TG: variants seen among roughly 807,000 people sequenced by gnomAD.
The protein encoded by TG is thyroid hormones.
A neutral mutation model predicts 324.7 loss-of-function variants in TG; 270 were observed. The ratio of observed to expected loss-of-function variants is 0.83; its 90% CI spans 0.75 to 0.92. TG has a LOEUF of 0.92. TG is among the 40% of genes least tolerant of loss of function. TG has a pLI of 0.00. For missense variants in TG, 3,591 were observed against 3,456.4 expected (o/e 1.04, Z -0.98); for synonymous variants, 1,401 against 1,327.0 (o/e 1.06, Z -1.21).
At chr8:132,986,259 T>C (rs752354296) in intron 35 of TG, among the ~76,000 whole-genome samples, 74 of 152,116 alleles carry the variant, frequency 4.9e-4, no homozygotes, top group Non-Finnish European at 1.0e-3. Flanking sequence ...GTAGTCTCTA[T>C]GTATAATGTT....
chr8:132,875,987 T>C (rs1266887140), intron 5 of TG, among the ~76,000 whole-genome samples: 3 of 152,164 alleles, frequency 2.0e-5, no homozygotes, highest in Non-Finnish European at 4.4e-5. Flanking sequence ...CAAGTTACGT[T>C]TGAATTTCAG....
In TG at chr8:132,898,873, C is replaced by A; in HGVS notation, c.3293C>A (p.Pro1098Gln). Residue 1098 changes from proline (P) to glutamine (Q), a missense_variant, in exon 14 of 48, where the codon CCA (proline) becomes CAA (glutamine). Coordinates refer to ENST00000220616, the MANE Select transcript of TG (RefSeq NM_003235.5). ...SWKQARSQENPSPKDLFVPAC... is the reference protein window; with the variant it reads ...SWKQARSQENQSPKDLFVPAC... ...AAACAGGCTAGATCCCAAGAAAACC[C>A]ATCTCCAAAAGACCTGTTCGTCCCA... is the stretch of plus-strand genomic sequence containing the variant. The A allele has an allele frequency of 1.9e-6, 3 of 1,614,202 alleles. No individual in the cohort carries two copies. Among genetic ancestry groups the A allele is most frequent in the Non-Finnish European group, 2.5e-6 (3 of 1,180,046 alleles).
intron 35 of TG, among the ~76,000 whole-genome samples, chr8:132,993,742 T>C (rs562620795): frequency 6.6e-6 from 1 of 152,342 alleles, no homozygotes; most frequent in East Asian, 1.9e-4. Flanking sequence ...ATATGGATTT[T>C]CTACAGTAAC....
chr8:132,883,371 G>A (rs1001184342), intron 8 of TG: 21 of 279,742 alleles, frequency 7.5e-5, no homozygotes, highest in African/African-American at 1.5e-4. Flanking sequence ...AAGAATGCAT[G>A]GAAGAGGCCA....
At chr8:133,075,301 A>G (rs1363385442) in intron 41 of TG, among the ~76,000 whole-genome samples, 2 of 152,140 alleles carry the variant, frequency 1.3e-5, no homozygotes, top group African/African-American at 2.4e-5. Flanking sequence ...TGGGCCCACG[A>G]AGGCTGTGGC....
rs919925022 is a variant in TG at position 132,901,572 on chromosome 8, G to A, written c.3634+19G>A. 2 of 1,607,758 alleles carry A rather than the reference G, an allele frequency of 1.2e-6. No homozygotes were observed. The highest frequency in any genetic ancestry group is 1.7e-6 in the Non-Finnish European group (2 of 1,176,866). On this transcript the variant is annotated intron_variant, in intron 16 of 47. Coordinates refer to ENST00000220616, the MANE Select transcript of TG (RefSeq NM_003235.5). ...TGTGAGAGTAAGTCATGACCCCCTG[G>A]GGGGACGACGAGGCCTGCATATCTG...
chr8:132,923,225 T>C, intron 21 of TG, 113 bp from the exon 22 acceptor site: 1 of 1,191,454 alleles, frequency 8.4e-7, no homozygotes, highest in South Asian at 1.3e-5. Flanking sequence ...AGCTGGAATG[T>C]CTGAGTTAGA....
chr8:133,097,214 A>G (rs371533788), intron 43 of TG, among the ~76,000 whole-genome samples: 14 of 152,362 alleles, frequency 9.2e-5, no homozygotes, highest in African/African-American at 3.1e-4. Flanking sequence ...TTATTAAATC[A>G]TGAAAGCAAC....
chr8:133,116,387 C>T (rs1850687017), intron 44 of TG, among the ~76,000 whole-genome samples: 1 of 152,240 alleles, frequency 6.6e-6, no homozygotes, highest in Non-Finnish European at 1.5e-5. Context: ...CCACCACCTA[C>T]CAGAGGGAAC....
chr8:133,133,786 C>A, intron 47 of TG, 126 bp downstream of exon 47: 1 of 1,084,884 alleles, frequency 9.2e-7, no homozygotes, highest in Non-Finnish European at 1.4e-6. Flanking sequence ...ATGGCACAGC[C>A]CCTTCCTGTG....
Position 133,029,940 on chromosome 8 carries a change from C to CGT in TG, c.7158_7159dup (p.Gly2387ValfsTer27). ...TCGGCGCGTGTCCCTGGCAGCAGAC[C>CGT]GTGGCGGGGCTGATGTGGCCAGCAT... On this transcript the variant is annotated frameshift_variant, in exon 41 of 48. Coordinates refer to ENST00000220616, the MANE Select transcript of TG (RefSeq NM_003235.5). LOFTEE classifies it high-confidence loss of function. The CGT allele has an allele frequency of 6.2e-7, 1 of 1,614,198 alleles. No individual in the cohort carries two copies. Among genetic ancestry groups the CGT allele is most frequent in the Non-Finnish European group, 8.5e-7 (1 of 1,180,028 alleles).
rs780709015 is a variant in TG at position 133,019,638 on chromosome 8, G to A, written c.6819G>A (p.Thr2273=). 1.1e-4 allele frequency: 181 copies of A among 1,613,812 alleles called. 1 individual carries two copies. Among genetic ancestry groups the A allele is most frequent in the Middle Eastern group, 1.7e-4 (1 of 6,060 alleles). ...GGCAGCCAGGCACCAGAACATCCAC[G>A]TCTCCTGGAGTCAGTGAAGATTGTT... ...SCWQPGTRTS[T]SPGVSEDCLY... The change falls in exon 39 of 48, where the codon ACG becomes ACA. Residue 2273 remains threonine (T), a synonymous_variant. Coordinates refer to ENST00000220616, the MANE Select transcript of TG (RefSeq NM_003235.5).
intron 16 of TG, among the ~76,000 whole-genome samples, chr8:132,903,436 A>C (rs1212009080): frequency 6.6e-6 from 1 of 152,234 alleles, no homozygotes; most frequent in Non-Finnish European, 1.5e-5. Context: ...TGGTGGGAAC[A>C]GCCAGCATTG....
intron 40 of TG, among the ~76,000 whole-genome samples, chr8:133,024,672 G>C (rs961138135): frequency 2.0e-5 from 3 of 151,262 alleles, no homozygotes; most frequent in African/African-American, 7.3e-5. Context: ...TTGGTTTTCT[G>C]TTCCTGTGTT....
At position 132,923,452 on chromosome 8, in the gene TG, G is replaced by A; in HGVS notation, c.4643G>A (p.Gly1548Glu). 1 of 1,614,134 alleles carries A rather than the reference G, an allele frequency of 6.2e-7. No homozygotes were observed. Among genetic ancestry groups the A allele is most frequent in the African/African-American group, 1.3e-5 (1 of 75,018 alleles). ...AAGGCCTTCTGTGTGGACGGCGAGG[G>A]GCGGAGGCTGCCATGGTGGGAAACA... ...SGKAFCVDGE[G>E]RRLPWWETEA... Residue 1548 changes from glycine to glutamate, a missense_variant, in exon 22 of 48, where the codon GGG becomes GAG. Coordinates refer to ENST00000220616, the MANE Select transcript of TG (RefSeq NM_003235.5).
At chr8:133,118,339 T>C (rs866667866) in intron 45 of TG, among the ~76,000 whole-genome samples, 4,810 of 149,258 alleles carry the variant, frequency 0.032, 73 homozygotes, top group African/African-American at 0.11. Context: ...TTTTTTTTTT[T>C]TTTTTGACGG....
intron 31 of TG, among the ~76,000 whole-genome samples, chr8:132,968,397 C>G (rs1445908122): frequency 6.6e-6 from 1 of 152,172 alleles, no homozygotes; most frequent in Non-Finnish European, 1.5e-5. Context: ...GCATCAGAAT[C>G]CCATTTGGCT....
At chr8:132,909,330 G>A (rs1819169802) in intron 18 of TG, among the ~76,000 whole-genome samples, 2 of 152,188 alleles carry the variant, frequency 1.3e-5, no homozygotes, top group South Asian at 4.1e-4. Context: ...GAAGATGGAG[G>A]TGTTGAGGAT....
At chr8:132,974,100 T>A (rs1413587275) in intron 34 of TG, among the ~76,000 whole-genome samples, 1 of 151,216 alleles carries the variant, frequency 6.6e-6, no homozygotes, top group East Asian at 1.9e-4. Context: ...TTCAAGCAAT[T>A]CTCCTGCCTC....
Sources: gnomAD v4.1 joint callset for allele counts (sites outside exome capture counted in the v4.1 genomes callset) on GRCh38, gnomAD v4.1.1 for gene constraint, MANE v1.5 for transcripts, NCBI Gene and HGNC (gene_info 2026-07-23, HGNC 2026-07-21) for gene names.